Variants in KLHL41 observed in about 807,000 individuals in gnomAD.
The protein encoded by KLHL41 is kelch like family member 41, also known as kelch-like protein 41.
KLHL41 carries 31 observed loss-of-function variants against 49.2 expected under a neutral mutation model. That is an observed-to-expected ratio of 0.63 (90% CI 0.47 to 0.85). The LOEUF (loss-of-function observed/expected upper bound fraction) is 0.85, where lower values mean the gene tolerates loss of function less well. KLHL41 is among the 40% of genes least tolerant of loss of function. KLHL41 has a pLI of 0.00. For synonymous variants in KLHL41, 218 were observed against 258.5 expected (o/e 0.84, Z 1.50); for missense variants, 663 against 726.7 (o/e 0.91, Z 1.01).
chr2:169,516,752 T>G (rs904687192), intron 3 of KLHL41, among the ~76,000 whole-genome samples: 3 of 152,240 alleles, frequency 2.0e-5, no homozygotes, highest in Non-Finnish European at 4.4e-5. Context: ...CTGGGTGCAG[T>G]GGCTCATGCC....
chr2:169,513,056 G>C (rs1208602270), intron 1 of KLHL41, among the ~76,000 whole-genome samples: 1 of 152,104 alleles, frequency 6.6e-6, no homozygotes, highest in Admixed American at 6.5e-5. Context: ...GAGACTGGTA[G>C]GTAGTCTACT....
chr2:169,510,412 G>T lies in KLHL41; in HGVS notation c.634G>T (p.Val212Phe). Residue 212 changes from valine (V) to phenylalanine (F), a missense_variant, in exon 1 of 6, where the codon GTT becomes TTT. Val to Phe is a conservative substitution (Grantham distance 50). Around this residue, in one of 3 missense-constraint regions of KLHL41, gnomAD observed 528 missense variants for 581.0 expected, o/e 0.91. Transcript: ENST00000284669. This position sits in a 1 kb window ranked among gnomAD's most constrained non-coding sequence, Gnocchi z 4.2. ...KWVRTDKENR[V>F]KNLSEVFDCI... ...GGTGCGAACAGACAAGGAAAACAGG[G>T]TTAAAAACCTTAGTGAAGTGTTTGA... The T allele has an allele frequency of 6.2e-7, 1 of 1,614,042 alleles. No homozygotes were observed. Among genetic ancestry groups the T allele is most frequent in the Non-Finnish European group, 8.5e-7 (1 of 1,180,016 alleles).
At chr2:169,522,410 T>C (rs973769245) in intron 5 of KLHL41, among the ~76,000 whole-genome samples, 1 of 151,732 alleles carries the variant, frequency 6.6e-6, no homozygotes, top group Non-Finnish European at 1.5e-5. Context: ...AGAAAAAAAA[T>C]GAGATTTCCA....
At chr2:169,524,788 A>T (rs1432021586) in intron 5 of KLHL41, among the ~76,000 whole-genome samples, 1 of 150,134 alleles carries the variant, frequency 6.7e-6, no homozygotes, top group East Asian at 1.9e-4. Context: ...GCTTGAGGAC[A>T]TTGATATGGG....
At chr2:169,525,300 T>A (rs1684284371) in intron 5 of KLHL41, among the ~76,000 whole-genome samples, 1 of 152,248 alleles carries the variant, frequency 6.6e-6, no homozygotes, top group South Asian at 2.1e-4. Flanking sequence ...TGAATGAATG[T>A]TTAACTGCTT....
chr2:169,525,642 A>G lies in KLHL41; in HGVS notation c.1767A>G (p.Ser589=), dbSNP rs1295244132. 1.2e-6 allele frequency: 2 copies of G among 1,613,740 alleles called. No homozygotes were observed. The highest frequency in any genetic ancestry group is 8.5e-7 in the Non-Finnish European group (1 of 1,179,632). ...TGTTGAAGGAAATACGTTATGCTTC[A>G]GGAGCTAGTTGCCTAGCAACACGTT... The part of the protein sequence containing the change: ...AGMLKEIRYA[S]GASCLATRLN... The change falls in exon 6 of 6, where the codon TCA becomes TCG. Residue 589 remains serine (S), a synonymous_variant. Transcript: ENST00000284669.
chr2:169,514,420 A>T (rs1684075532), intron 1 of KLHL41, 154 bp from the exon 2 acceptor site: 1 of 534,754 alleles, frequency 1.9e-6, no homozygotes, highest in Admixed American at 3.6e-5. Flanking sequence ...ATTATGAGCT[A>T]CAATGTGATA....
chr2:169,520,261 T>A (rs7572182), intron 4 of KLHL41, among the ~76,000 whole-genome samples: 66,410 of 119,834 alleles, frequency 0.55, 19,354 homozygotes, highest in East Asian at 0.66. Context: ...GGGCTCAAGC[T>A]ATCCTCCTGC....
intron 3 of KLHL41, among the ~76,000 whole-genome samples, chr2:169,516,642 A>G (rs1358185760): frequency 6.6e-6 from 1 of 152,230 alleles, no homozygotes; most frequent in Non-Finnish European, 1.5e-5. Flanking sequence ...CAGTAGGAAT[A>G]TATCAATCTT....
intron 1 of KLHL41, chr2:169,514,319 G>A (rs562161642): frequency 2.9e-6 from 1 of 339,356 alleles, no homozygotes; most frequent in African/African-American, 2.1e-5. Flanking sequence ...AACCTCTGGT[G>A]ATTCTATTTT....
intron 5 of KLHL41, among the ~76,000 whole-genome samples, chr2:169,522,867 T>C (rs999361418): frequency 1.3e-5 from 2 of 151,526 alleles, no homozygotes; most frequent in African/African-American, 4.9e-5. Context: ...GGACTACAGG[T>C]GTGCACCACC....
At position 169,510,625 on chromosome 2, in the gene KLHL41, G is replaced by A. The variant is rs1684017318; in HGVS notation, c.847G>A (p.Gly283Ser). 4 of 1,614,130 alleles carry A rather than the reference G, an allele frequency of 2.5e-6. No individual in the cohort carries two copies. Among genetic ancestry groups the A allele is most frequent in the Non-Finnish European group, 3.4e-6 (4 of 1,180,026 alleles). Residue 283 changes from glycine (G) to serine (S), a missense_variant, in exon 1 of 6, where the codon GGT becomes AGT. Around this residue, in one of 3 missense-constraint regions of KLHL41, gnomAD observed 528 missense variants for 581.0 expected, o/e 0.91. Coordinates refer to ENST00000284669, the MANE Select transcript of KLHL41 (RefSeq NM_006063.3). This position sits in a 1 kb window ranked among gnomAD's most constrained non-coding sequence, Gnocchi z 4.2. ...GGCTGGTGAGGTGAATGGTGATGTT[G>A]GTGATGAAGATTTACTTCCTGGTTA... is the stretch of plus-strand genomic sequence containing the variant. ...TGAGEVNGDV[G>S]DEDLLPGYLN...
In KLHL41 at chr2:169,509,746, A is replaced by G; in HGVS notation, c.-33A>G. 6.3e-7 allele frequency: 1 copy of G among 1,584,700 alleles called. No individual in the cohort carries two copies. Among genetic ancestry groups the G allele is most frequent in the South Asian group, 1.1e-5 (1 of 87,140 alleles). ...TGTGCTGCAAGGAGCTAAGGCCTTC[A>G]GTGTCCCCTTCCTTACCCAGGTTTC... is the stretch of plus-strand genomic sequence containing the variant. On this transcript the variant is annotated 5_prime_UTR_variant, in exon 1 of 6. Transcript: ENST00000284669.
intron 1 of KLHL41, among the ~76,000 whole-genome samples, chr2:169,513,148 C>T (rs1684056275): frequency 6.6e-6 from 1 of 152,148 alleles, no homozygotes; most frequent in African/African-American, 2.4e-5. Context: ...GTTAAGCCCA[C>T]AGGTATGGGA....
At position 169,510,576 on chromosome 2, in the gene KLHL41, T is replaced by C. The variant is rs375564888; in HGVS notation, c.798T>C (p.Pro266=). Residue 266 remains proline, a synonymous_variant, in exon 1 of 6, where the codon CCT becomes CCC. Coordinates refer to ENST00000284669, the MANE Select transcript of KLHL41 (RefSeq NM_006063.3). This position sits in a 1 kb window ranked among gnomAD's most constrained non-coding sequence, Gnocchi z 4.2. ...KDAFAGKLPE[P]SKNAAKTGAG... ...CTTTCGCAGGCAAACTCCCAGAACC[T>C]AGCAAAAATGCCGCGAAGACTGGGG... The C allele has an allele frequency of 2.5e-5, 41 of 1,614,084 alleles. No individual in the cohort carries two copies. The highest frequency in any genetic ancestry group is 5.1e-6 in the Non-Finnish European group (6 of 1,180,042).
At chr2:169,511,756 T>A (rs984692455) in intron 1 of KLHL41, among the ~76,000 whole-genome samples, 2 of 152,226 alleles carry the variant, frequency 1.3e-5, no homozygotes, top group Non-Finnish European at 2.9e-5. Flanking sequence ...TTTATTTGGA[T>A]CAGAGATACA....
chr2:169,525,198 A>T (rs372374157), intron 5 of KLHL41, among the ~76,000 whole-genome samples: 1 of 152,234 alleles, frequency 6.6e-6, no homozygotes, highest in Non-Finnish European at 1.5e-5. Flanking sequence ...AATTAAGTCT[A>T]CCGATAGTCC....
intron 1 of KLHL41, among the ~76,000 whole-genome samples, chr2:169,511,614 T>C (rs1684030318): frequency 6.6e-6 from 1 of 152,222 alleles, no homozygotes; most frequent in South Asian, 2.1e-4. Flanking sequence ...CTGCCTAAAA[T>C]ATAATTTTGT....
At position 169,516,878 on chromosome 2, in the gene KLHL41, G is replaced by A. The variant is rs575483000; in HGVS notation, c.1377-1312G>A. ...CTCTACTAAAAATACAAAATTAACC[G>A]GGCGTGGTGCCGTTTGCCTGTAATC... On this transcript the variant is annotated intron_variant, in intron 3 of 5. Transcript: ENST00000284669. Among the ~76,000 whole-genome samples the A allele has an allele frequency of 7.2e-5, 11 of 152,172 alleles. No individual in the cohort carries two copies. In the East Asian group the frequency reaches 1.4e-3, roughly 19 times the overall value.
Sources: gnomAD v4.1 joint callset for allele counts (sites outside exome capture counted in the v4.1 genomes callset) on GRCh38, gnomAD v4.1.1 for gene constraint, gnomAD v4.1.1 regional missense constraint, Gnocchi (gnomAD v3.1) non-coding constraint, MANE v1.5 for transcripts, NCBI Gene and HGNC (gene_info 2026-07-23, HGNC 2026-07-21) for gene names.